The following CNTNAP4 variants were observed in gnomAD, a reference collection of about 807,000 sequenced individuals.
CNTNAP4 encodes contactin associated protein family member 4.
In CNTNAP4, 98 loss-of-function variants were observed where a neutral mutation model predicts 148.4. The observed-to-expected ratio is 0.66, with a 90% CI of 0.56 to 0.78. The LOEUF is 0.78. Ranked by LOEUF, CNTNAP4 falls within the 30% of genes least tolerant of loss-of-function variation. The probability of loss-of-function intolerance (pLI) is 0.00; values close to 1 mark genes in which losing one functional copy is unlikely to be tolerated. For synonymous variants in CNTNAP4, 730 were observed against 565.1 expected, an observed-to-expected ratio of 1.29 and a Z score of -4.14; for missense variants, 1,935 against 1,565.6, an observed-to-expected ratio of 1.24 and a Z score of -3.98.
chr16:76,421,339 G>T (rs998549086), intron 3 of CNTNAP4, among the ~76,000 whole-genome samples: 6 of 151,794 alleles, frequency 4.0e-5, no homozygotes, highest in African/African-American at 1.2e-4. Context: ...TGTATTATAC[G>T]TGCAGCTCAA....
intron 4 of CNTNAP4, among the ~76,000 whole-genome samples, chr16:76,438,284 A>G (rs2079908972): frequency 1.3e-5 from 2 of 152,146 alleles, no homozygotes; most frequent in Admixed American, 1.3e-4. Flanking sequence ...AATGCCAAGC[A>G]GCCCTAGAGA....
At chr16:76,293,370 C>G (rs1019685658) in intron 1 of CNTNAP4, among the ~76,000 whole-genome samples, 7 of 152,090 alleles carry the variant, frequency 4.6e-5, no homozygotes, top group Admixed American at 2.6e-4. Context: ...TCGTTTTTCA[C>G]TATTCACAAG....
chr16:76,401,619 G>A (rs924672027), intron 3 of CNTNAP4, among the ~76,000 whole-genome samples: 2 of 152,112 alleles, frequency 1.3e-5, no homozygotes, highest in Non-Finnish European at 2.9e-5. Flanking sequence ...CTTGTCTTGT[G>A]GTGGTTTTCA....
At chr16:76,447,814 T>C (rs564509839) in intron 4 of CNTNAP4, among the ~76,000 whole-genome samples, 198 bp from the exon 5 acceptor site, 4 of 152,354 alleles carry the variant, frequency 2.6e-5, no homozygotes, top group South Asian at 2.1e-4. Flanking sequence ...TTACATGTAT[T>C]AGATGCATTT....
intron 3 of CNTNAP4, among the ~76,000 whole-genome samples, chr16:76,392,475 C>A (rs16944337): frequency 6.6e-6 from 1 of 151,852 alleles, no homozygotes; most frequent in African/African-American, 2.4e-5. Flanking sequence ...TACAGAATTC[C>A]GCAAATCTAC....
At chr16:76,360,083 G>C (rs982119957) in intron 3 of CNTNAP4, among the ~76,000 whole-genome samples, 1 of 152,162 alleles carries the variant, frequency 6.6e-6, no homozygotes, top group Non-Finnish European at 1.5e-5. Context: ...ATTTAAAATA[G>C]ACTTCAGTTG....
At chr16:76,301,980 C>T (rs555736939) in intron 1 of CNTNAP4, among the ~76,000 whole-genome samples, 30 of 152,128 alleles carry the variant, frequency 2.0e-4, no homozygotes, top group African/African-American at 6.7e-4. Context: ...AGCCACCTCT[C>T]GGGCACTTGC....
At chr16:76,342,322 T>C (rs555186484) in intron 2 of CNTNAP4, among the ~76,000 whole-genome samples, 327 of 152,268 alleles carry the variant, frequency 2.1e-3, no homozygotes, top group African/African-American at 7.4e-3. Flanking sequence ...TATAACACAA[T>C]ATTCTTCTTC....
intron 3 of CNTNAP4, among the ~76,000 whole-genome samples, chr16:76,404,236 G>A (rs1002887551): frequency 1.9e-4 from 29 of 150,902 alleles, no homozygotes; most frequent in African/African-American, 6.1e-4. Flanking sequence ...AATTAAAAAG[G>A]TAAATGTAAA....
At chr16:76,379,290 G>C (rs1311478054) in intron 3 of CNTNAP4, among the ~76,000 whole-genome samples, 1 of 152,142 alleles carries the variant, frequency 6.6e-6, no homozygotes, top group Non-Finnish European at 1.5e-5. Context: ...TCCTGAAAGA[G>C]AATGAGATTC....
rs1212134905 is a variant in CNTNAP4 at position 76,462,084 on chromosome 16, G to A, written c.1462G>A (p.Gly488Ser). Residue 488 changes from glycine to serine, a missense_variant, in exon 9 of 24, where the codon GGT becomes AGT. Coordinates refer to ENST00000611870, the MANE Select transcript of CNTNAP4 (RefSeq NM_033401.5). ...PLLGPEQIYS[G>S]GTYYFGGCPD... is the part of the protein sequence containing the mutation. The stretch of plus-strand genomic sequence containing the variant: ...GCTGGGGCCTGAGCAGATTTATTCG[G>A]GTGGCACCTATTATTTTGGAGGTAA... 10 of 1,613,466 alleles carry A rather than the reference G, an allele frequency of 6.2e-6. No homozygotes were observed. Among genetic ancestry groups the A allele is most frequent in the Non-Finnish European group, 8.5e-6 (10 of 1,179,688 alleles).
rs2082887265 is a variant in CNTNAP4 at position 76,507,897 on chromosome 16, T to C, written c.2365+9203T>C. On this transcript the variant is annotated intron_variant, in intron 15 of 23. Transcript: ENST00000611870. The stretch of plus-strand genomic sequence containing the variant: ...GGCTCTACGTCCTTGTCACTCACTC[T>C]CCCTTATCTGCAAAATCTCCCTAAT... Among the ~76,000 whole-genome samples, 2 of 97,652 alleles carry C rather than the reference T, an allele frequency of 2.0e-5. 1 individual carries two copies. The highest frequency in any genetic ancestry group is 5.1e-5 in the African/African-American group (2 of 38,972). The allele number at this position is 97,652 out of a possible 152,430, so 64.1% of individuals were successfully genotyped here. A position where few individuals can be genotyped will look rare whatever the true frequency, so the allele number is the denominator to read the frequency against.
intron 2 of CNTNAP4, among the ~76,000 whole-genome samples, chr16:76,337,767 G>A (rs917953249): frequency 1.2e-4 from 18 of 152,078 alleles, no homozygotes; most frequent in South Asian, 6.2e-4. Context: ...CAGAGCAGCC[G>A]TCCATAGACC....
intron 3 of CNTNAP4, among the ~76,000 whole-genome samples, chr16:76,412,350 C>T (rs908329954): frequency 2.0e-5 from 3 of 151,162 alleles, no homozygotes; most frequent in Non-Finnish European, 4.4e-5. Flanking sequence ...CCTGATTTTG[C>T]GCTGGGTACA....
intron 3 of CNTNAP4, among the ~76,000 whole-genome samples, chr16:76,391,409 C>G (rs2016982044): frequency 6.6e-6 from 1 of 152,172 alleles, no homozygotes; most frequent in Non-Finnish European, 1.5e-5. Flanking sequence ...GTAGAAATTG[C>G]TAACGTTTCT....
At chr16:76,385,984 TG>T (rs2016480314) in intron 3 of CNTNAP4, among the ~76,000 whole-genome samples, 2 of 151,700 alleles carry the variant, frequency 1.3e-5, no homozygotes, top group African/African-American at 4.8e-5. Context: ...GAATAGATAA[TG>T]AAAAAAAACA....
chr16:76,327,264 C>G (rs182996406), intron 2 of CNTNAP4, among the ~76,000 whole-genome samples: 11 of 152,262 alleles, frequency 7.2e-5, no homozygotes, highest in African/African-American at 2.6e-4. Flanking sequence ...TCCATACGCT[C>G]CCAATATTTT....
At chr16:76,554,400 C>G (rs1388089445) in intron 23 of CNTNAP4, among the ~76,000 whole-genome samples, 1 of 152,156 alleles carries the variant, frequency 6.6e-6, no homozygotes, top group African/African-American at 2.4e-5. Flanking sequence ...AAAGATGCTT[C>G]TATCAACTAA....
At position 76,535,676 on chromosome 16, in the gene CNTNAP4, A is replaced by G. The variant is rs2084183396; in HGVS notation, c.2887A>G (p.Ser963Gly). 1.2e-6 allele frequency: 2 copies of G among 1,613,940 alleles called. No individual in the cohort carries two copies. Among genetic ancestry groups the G allele is most frequent in the Middle Eastern group, 1.6e-4 (1 of 6,068 alleles). The change falls in exon 18 of 24, where the codon AGC (serine) becomes GGC (glycine). Residue 963 changes from serine to glycine, a missense_variant. Transcript: ENST00000611870. ...GCAGCCAGGTTGTAGGGGACATTGCAGCAGCTATGGGAAGTTATGCCGCAA... is the reference window on the plus strand; with the variant it reads ...GCAGCCAGGTTGTAGGGGACATTGCGGCAGCTATGGGAAGTTATGCCGCAA... ...EVQPGCRGHCSSYGKLCRNGG... is the reference protein window; with the variant it reads ...EVQPGCRGHCGSYGKLCRNGG...
Sources: gnomAD v4.1 joint callset for allele counts (sites outside exome capture counted in the v4.1 genomes callset) on GRCh38, gnomAD v4.1.1 for gene constraint, MANE v1.5 for transcripts, NCBI Gene and HGNC (gene_info 2026-07-23, HGNC 2026-07-21) for gene names.